Variants in RAMP1 observed in about 807,000 individuals in gnomAD.
RAMP1 encodes receptor activity-modifying protein 1.
Under a neutral mutation model 8.2 loss-of-function variants are expected in RAMP1, and 7 were observed. The ratio of observed to expected loss-of-function variants is 0.85; its 90% CI spans 0.49 to 1.60. RAMP1 has a LOEUF of 1.60. RAMP1 is among the 40% of genes most tolerant of loss of function. The pLI, the probability that RAMP1 is intolerant of heterozygous loss-of-function variation, is 0.00. For synonymous variants in RAMP1, 92 were observed against 84.7 expected (o/e 1.09, Z -0.47); for missense variants, 192 against 202.4 (o/e 0.95, Z 0.31).
intron 2 of RAMP1, among the ~76,000 whole-genome samples, chr2:237,903,541 C>T (rs1008913607): frequency 1.1e-4 from 16 of 152,078 alleles, no homozygotes; most frequent in African/African-American, 3.6e-4. Context: ...TTTTTTGAGA[C>T]AGGGTCTTAT....
chr2:237,911,675 C>T lies in RAMP1; in HGVS notation c.339C>T (p.Asp113=). 1 of 1,613,998 alleles carries T rather than the reference C, an allele frequency of 6.2e-7. No homozygotes were observed. Among genetic ancestry groups the T allele is most frequent in the African/African-American group, 1.3e-5 (1 of 75,052 alleles). ...CCATCTCAGGCAGGGCCGTGCGGGA[C>T]CCGCCCGGCAGCATCCTCTACCCCT... ...SCPISGRAVR[D]PPGSILYPFI... is the part of the protein sequence containing the mutation. The change falls in exon 3 of 3, where the codon GAC becomes GAT. Residue 113 remains aspartate (D), a synonymous_variant. Transcript: ENST00000254661.
At chr2:237,859,784 C>T in intron 1 of RAMP1, 57 bp downstream of exon 1, 2 of 1,393,774 alleles carry the variant, frequency 1.4e-6, no homozygotes, top group Non-Finnish European at 1.9e-6. Flanking sequence ...CCGGTGTCCT[C>T]TAGGGGAGAG....
chr2:237,910,297 A>AT (rs2151025122), intron 2 of RAMP1, among the ~76,000 whole-genome samples: 1 of 151,366 alleles, frequency 6.6e-6, no homozygotes, highest in Admixed American at 6.6e-5. Context: ...CACAGACAAT[A>AT]ACAAGTTACG....
chr2:237,889,580 GCCTCT>G (rs2151015260), intron 2 of RAMP1, among the ~76,000 whole-genome samples: 1 of 152,222 alleles, frequency 6.6e-6, no homozygotes, highest in East Asian at 1.9e-4. Context: ...AATTTAGAAG[GCCTCT>G]CCTACCATGT....
intron 1 of RAMP1, among the ~76,000 whole-genome samples, chr2:237,868,885 T>C (rs921770182): frequency 8.5e-5 from 13 of 152,192 alleles, no homozygotes; most frequent in Non-Finnish European, 1.6e-4. Flanking sequence ...CATTGCTAGT[T>C]TTATTGCACT....
Position 237,877,174 on chromosome 2 carries a change from C to T in RAMP1, c.53-50C>T, listed in dbSNP as rs779807147. 13 of 1,610,820 alleles carry T rather than the reference C, an allele frequency of 8.1e-6. No homozygotes were observed. Among genetic ancestry groups the T allele is most frequent in the Non-Finnish European group, 1.1e-5 (13 of 1,179,710 alleles). On this transcript the variant is annotated intron_variant, in intron 1 of 2. Transcript: ENST00000254661. The surrounding 1 kb of genome is among the most constrained non-coding windows in gnomAD (Gnocchi z 4.4). Reference sequence around the variant, plus strand: ...GGCGCGCGGGCTGGCGGTGATACCCCTAGGCCTCTGCTGCCGCCCGCCATC... The same window carrying T: ...GGCGCGCGGGCTGGCGGTGATACCCTTAGGCCTCTGCTGCCGCCCGCCATC...
intron 2 of RAMP1, among the ~76,000 whole-genome samples, chr2:237,904,407 A>G (rs923652920): frequency 6.6e-6 from 1 of 151,990 alleles, no homozygotes; most frequent in African/African-American, 2.4e-5. Flanking sequence ...CAACAGAGCA[A>G]GACTCTGTCT....
chr2:237,869,577 G>A lies in RAMP1; in HGVS notation c.53-7647G>A, dbSNP rs183057396. Among the ~76,000 whole-genome samples, 21 of 152,284 alleles carry A rather than the reference G, an allele frequency of 1.4e-4. 1 individual carries two copies. The highest frequency in any genetic ancestry group is 3.4e-3 in the Middle Eastern group (1 of 294). On this transcript the variant is annotated intron_variant, in intron 1 of 2. Coordinates refer to ENST00000254661, the MANE Select transcript of RAMP1 (RefSeq NM_005855.4). Reference sequence around the variant, plus strand: ...ATTTCACTTAAGGTTCTTCCATGTCGTAGTGTGAATCAGAATTTCCTTCCT... The same window carrying A: ...ATTTCACTTAAGGTTCTTCCATGTCATAGTGTGAATCAGAATTTCCTTCCT...
At chr2:237,868,154 C>T (rs1312396493) in intron 1 of RAMP1, among the ~76,000 whole-genome samples, 2 of 151,948 alleles carry the variant, frequency 1.3e-5, no homozygotes, top group East Asian at 3.9e-4. Context: ...AGTGATTCTC[C>T]TGCCTCAGTC....
chr2:237,909,451 C>G (rs1416830092), intron 2 of RAMP1, among the ~76,000 whole-genome samples: 1 of 152,190 alleles, frequency 6.6e-6, no homozygotes, highest in Non-Finnish European at 1.5e-5. Flanking sequence ...CACCAAGACC[C>G]CTTCAGGCCA....
rs567698646 is a variant in RAMP1, at chr2:237,878,229, C to T, written c.191+867C>T. ...CGCAGCGCAAGTCCTGGTGCCCCAC[C>T]GATGACAAGCGCTTTCCCCAGTGCC... On this transcript the variant is annotated intron_variant, in intron 2 of 2. Coordinates refer to ENST00000254661, the MANE Select transcript of RAMP1 (RefSeq NM_005855.4). The surrounding 1 kb of genome is among the most constrained non-coding windows in gnomAD (Gnocchi z 5.7). 4.4e-4 allele frequency: 422 copies of T among 953,994 alleles called. No individual in the cohort carries two copies. Among genetic ancestry groups the T allele is most frequent in the Non-Finnish European group, 4.9e-4 (396 of 801,278 alleles). The allele number at this position is 953,994 out of a possible 1,614,324, so 59.1% of individuals were successfully genotyped here.
Position 237,878,148 on chromosome 2 carries a change from G to A in RAMP1, c.191+786G>A, listed in dbSNP as rs1294550426. 1.0e-6 allele frequency: 1 copy of A among 985,346 alleles called. No homozygotes were observed. Among genetic ancestry groups the A allele is most frequent in the Non-Finnish European group, 1.2e-6 (1 of 829,936 alleles). The allele number at this position is 985,346 out of a possible 1,614,324, so 61.0% of individuals were successfully genotyped here. On this transcript the variant is annotated intron_variant, in intron 2 of 2. Coordinates refer to ENST00000254661, the MANE Select transcript of RAMP1 (RefSeq NM_005855.4). This position sits in a 1 kb window ranked among gnomAD's most constrained non-coding sequence, Gnocchi z 5.7. Reference sequence around the variant, plus strand: ...CAGCAGTGCATGCGTGGAGCTGAAGGCCACCGCCTCCCTGCCATGCAAACT... The same window carrying A: ...CAGCAGTGCATGCGTGGAGCTGAAGACCACCGCCTCCCTGCCATGCAAACT...
chr2:237,903,128 G>C (rs768123593), intron 2 of RAMP1, among the ~76,000 whole-genome samples: 4 of 152,144 alleles, frequency 2.6e-5, no homozygotes, highest in Non-Finnish European at 4.4e-5. Flanking sequence ...CAAAGTGCTA[G>C]GATCACAGGC....
At chr2:237,893,966 CTTTCTTTTTTT>C (rs2062511996) in intron 2 of RAMP1, among the ~76,000 whole-genome samples, 1 of 102,580 alleles carries the variant, frequency 9.7e-6, no homozygotes, top group African/African-American at 4.3e-5. Context: ...AATAAAAATA[CTTTCTTTTTTT>C]TTTTTTTTTT....
intron 1 of RAMP1, among the ~76,000 whole-genome samples, chr2:237,861,576 G>A (rs1345248274): frequency 6.6e-6 from 1 of 152,166 alleles, no homozygotes; most frequent in African/African-American, 2.4e-5. Flanking sequence ...GGCCAGGCAT[G>A]GTGACTCACG....
intron 2 of RAMP1, among the ~76,000 whole-genome samples, chr2:237,885,278 G>C (rs1559944514): frequency 6.6e-6 from 1 of 152,198 alleles, no homozygotes; most frequent in Non-Finnish European, 1.5e-5. Flanking sequence ...GATTTCTGCT[G>C]AGCTCGACCC....
intron 1 of RAMP1, among the ~76,000 whole-genome samples, chr2:237,872,015 G>A (rs2062250445): frequency 6.6e-6 from 1 of 152,208 alleles, no homozygotes; most frequent in South Asian, 2.1e-4. Context: ...AAAAAATATA[G>A]GCTTCTTTGA....
At chr2:237,871,023 C>T (rs902048907) in intron 1 of RAMP1, among the ~76,000 whole-genome samples, 1 of 152,180 alleles carries the variant, frequency 6.6e-6, no homozygotes, top group African/African-American at 2.4e-5. Flanking sequence ...GGAGAATCTA[C>T]TTGGTGGAGG....
At chr2:237,895,646 G>C (rs538210109) in intron 2 of RAMP1, among the ~76,000 whole-genome samples, 2 of 152,140 alleles carry the variant, frequency 1.3e-5, no homozygotes, top group Admixed American at 6.5e-5. Context: ...CTGAAGGCTC[G>C]TGAAGCCCGG....
Sources: gnomAD v4.1 joint callset for allele counts (sites outside exome capture counted in the v4.1 genomes callset) on GRCh38, gnomAD v4.1.1 for gene constraint, Gnocchi (gnomAD v3.1) non-coding constraint, MANE v1.5 for transcripts, NCBI Gene and HGNC (gene_info 2026-07-23, HGNC 2026-07-21) for gene names.